The following INPP4B variants were observed in gnomAD, a reference collection of about 807,000 sequenced individuals.
INPP4B encodes inositol polyphosphate-4-phosphatase type II B, also known as inositol polyphosphate 4-phosphatase type II.
In INPP4B, 55 loss-of-function variants were observed where a neutral mutation model predicts 122.5. The ratio of observed to expected loss-of-function variants is 0.45; its 90% confidence interval spans 0.36 to 0.56. INPP4B has a LOEUF of 0.56. Ranked by LOEUF, INPP4B falls within the 20% of genes least tolerant of loss-of-function variation. The probability of loss-of-function intolerance (pLI) is 0.00; values close to 1 mark genes in which losing one functional copy is unlikely to be tolerated. For synonymous variants in INPP4B, 403 were observed against 388.7 expected, an observed-to-expected ratio of 1.04 and a Z score of -0.43; for missense variants, 1,000 against 1,097.7, an observed-to-expected ratio of 0.91 and a Z score of 1.26.
chr4:142,566,175 A>C (rs1010117316), intron 2 of INPP4B: 1 of 152,226 alleles, frequency 6.6e-6, no homozygotes, highest in Non-Finnish European at 1.5e-5. Flanking sequence ...CGAGGAGATT[A>C]AACTGGAAGC....
intron 25 of INPP4B, among the ~76,000 whole-genome samples, chr4:142,071,223 C>G (rs970911951): frequency 6.6e-6 from 1 of 151,958 alleles, no homozygotes; most frequent in Non-Finnish European, 1.5e-5. Context: ...CTGACAAAAA[C>G]AAGAAATAGG....
intron 1 of INPP4B, among the ~76,000 whole-genome samples, chr4:142,799,223 T>G (rs1777682952): frequency 1.3e-5 from 2 of 151,950 alleles, no homozygotes; most frequent in Non-Finnish European, 2.9e-5. Flanking sequence ...TTTCCCCATA[T>G]ATATTTCAGG....
At chr4:142,194,736 C>G (rs1003541947) in intron 14 of INPP4B, among the ~76,000 whole-genome samples, 1 of 152,134 alleles carries the variant, frequency 6.6e-6, no homozygotes. Context: ...TGATGGGAAC[C>G]TGAGTCGCTG....
chr4:142,044,265 A>G (rs1442933849), intron 25 of INPP4B, among the ~76,000 whole-genome samples: 1 of 152,152 alleles, frequency 6.6e-6, no homozygotes, highest in Non-Finnish European at 1.5e-5. Flanking sequence ...AGATGGAATC[A>G]TCCACGTAGA....
chr4:142,702,920 T>C (rs1762003836), intron 2 of INPP4B, among the ~76,000 whole-genome samples: 1 of 152,176 alleles, frequency 6.6e-6, no homozygotes, highest in Non-Finnish European at 1.5e-5. Flanking sequence ...CAAGTGCTAA[T>C]ATCTATCATG....
At chr4:142,388,435 G>A (rs1379277606) in intron 7 of INPP4B, among the ~76,000 whole-genome samples, 2 of 148,810 alleles carry the variant, frequency 1.3e-5, no homozygotes. Context: ...TATTTGTCTT[G>A]CCACTCTTAA....
At chr4:142,805,251 A>G (rs541609158) in intron 1 of INPP4B, among the ~76,000 whole-genome samples, 1 of 152,336 alleles carries the variant, frequency 6.6e-6, no homozygotes, top group Non-Finnish European at 1.5e-5. Flanking sequence ...AACACTGGGG[A>G]CATTCCACTA....
chr4:142,466,602 G>A (rs1033091442), intron 2 of INPP4B, among the ~76,000 whole-genome samples: 1 of 152,194 alleles, frequency 6.6e-6, no homozygotes, highest in African/African-American at 2.4e-5. Context: ...GCATTTTTGA[G>A]AAAATGTATT....
At chr4:142,717,110 TG>T (rs1763874399) in intron 2 of INPP4B, among the ~76,000 whole-genome samples, 1 of 152,184 alleles carries the variant, frequency 6.6e-6, no homozygotes, top group Non-Finnish European at 1.5e-5. Flanking sequence ...ATATACCAAG[TG>T]GTTAAAATGT....
chr4:142,257,031 G>A (rs892225506), intron 11 of INPP4B, among the ~76,000 whole-genome samples: 2 of 152,172 alleles, frequency 1.3e-5, no homozygotes, highest in African/African-American at 2.4e-5. Context: ...TTCATCCCTA[G>A]GATGCAAGGC....
Position 142,052,699 on chromosome 4 carries a change from T to C in INPP4B, c.2643-23785A>G, listed in dbSNP as rs550632782. ...CCATATTTATGCAAAGAAAAAACAGTAGCAGGACACACTGGGGAAGTGAGT... is the reference window on the plus strand; with the variant it reads ...CCATATTTATGCAAAGAAAAAACAGCAGCAGGACACACTGGGGAAGTGAGT... On this transcript the variant is annotated intron_variant, in intron 25 of 25. Transcript: ENST00000262992. Among the ~76,000 whole-genome samples, 93 of 151,936 alleles carry C rather than the reference T, an allele frequency of 6.1e-4. No homozygotes were observed. In the South Asian group the frequency reaches 0.015, roughly 24 times the overall value.
intron 2 of INPP4B, among the ~76,000 whole-genome samples, chr4:142,697,914 C>CA (rs1761231723): frequency 1.3e-5 from 2 of 152,060 alleles, no homozygotes; most frequent in African/African-American, 4.8e-5. Flanking sequence ...CAGATAAACT[C>CA]AGAGTTTTAA....
At chr4:142,460,731 T>C (rs983382399) in intron 3 of INPP4B, among the ~76,000 whole-genome samples, 2 of 152,112 alleles carry the variant, frequency 1.3e-5, no homozygotes, top group African/African-American at 4.8e-5. Flanking sequence ...TTAATAACAG[T>C]CAACTTAATT....
chr4:142,772,619 A>C (rs541176263), intron 1 of INPP4B, among the ~76,000 whole-genome samples: 26 of 152,310 alleles, frequency 1.7e-4, no homozygotes, highest in African/African-American at 5.5e-4. Flanking sequence ...TAAACACAAC[A>C]CAAACCCAAC....
intron 2 of INPP4B, among the ~76,000 whole-genome samples, chr4:142,660,562 G>C (rs779897202): frequency 3.3e-5 from 5 of 152,064 alleles, no homozygotes; most frequent in Non-Finnish European, 7.4e-5. Flanking sequence ...ATTTCCCAAA[G>C]CTGAAACTGG....
chr4:142,261,103 GA>G (rs1381207543), intron 10 of INPP4B, among the ~76,000 whole-genome samples: 2 of 152,188 alleles, frequency 1.3e-5, no homozygotes, highest in Non-Finnish European at 2.9e-5. Context: ...AATCCATAAT[GA>G]ATTGATTAAG....
At chr4:142,378,637 T>C (rs530187265) in intron 7 of INPP4B, among the ~76,000 whole-genome samples, 1 of 152,334 alleles carries the variant, frequency 6.6e-6, no homozygotes, top group African/African-American at 2.4e-5. Flanking sequence ...GAGAGGAGAA[T>C]ATGTCTCTGA....
chr4:142,747,959 C>T (rs545513565), intron 1 of INPP4B, among the ~76,000 whole-genome samples: 3 of 151,954 alleles, frequency 2.0e-5, no homozygotes, highest in East Asian at 1.9e-4. Context: ...CACCATGGCA[C>T]GTGTATACCT....
At position 142,838,506 on chromosome 4, in the gene INPP4B, A is replaced by G. The variant is rs142295432; in HGVS notation, c.-254+7703T>C. ...AAAAGGATATGAATAGCATGAATAA[A>G]TTGGGAGGCAGTCTTTAAAACATAC... is the stretch of plus-strand genomic sequence containing the variant. On this transcript the variant is annotated intron_variant, in intron 1 of 25. Coordinates refer to ENST00000262992, the MANE Select transcript of INPP4B (RefSeq NM_001101669.3). 5.9e-3 allele frequency among the ~76,000 whole-genome samples: 905 copies of G among 152,280 alleles called. 7 individuals are homozygous for G. The highest frequency in any genetic ancestry group is 0.021 in the African/African-American group (864 of 41,578).
Sources: allele counts gnomAD v4.1 joint callset (sites outside exome capture counted in the v4.1 genomes callset), GRCh38; gene constraint gnomAD v4.1.1; transcripts MANE v1.5; gene names NCBI Gene and HGNC (gene_info 2026-07-23, HGNC 2026-07-21).